NWD2: variants seen among roughly 807,000 people sequenced by gnomAD.
The protein encoded by NWD2 is NACHT and WD repeat domain-containing protein 2.
Under a neutral mutation model 132.7 loss-of-function variants are expected in NWD2, and 37 were observed. The observed-to-expected ratio is 0.28, with a 90% confidence interval of 0.21 to 0.37. NWD2 has a LOEUF of 0.37. Among genes scored for constraint, NWD2 ranks in the 10% least tolerant of loss-of-function variants. The pLI is 1.00. For synonymous variants in NWD2, 705 were observed against 803.0 expected, an observed-to-expected ratio of 0.88 and a Z score of 2.06; for missense variants, 1,592 against 2,122.4, an observed-to-expected ratio of 0.75 and a Z score of 4.91.
Position 37,443,620 on chromosome 4 carries a change from C to A in NWD2, c.1632C>A (p.Ser544=), listed in dbSNP as rs1050204781. The A allele has an allele frequency of 3.9e-6, 6 of 1,551,778 alleles. No individual in the cohort carries two copies. The African/African-American group carries it at 8.2e-5, about 21-fold the overall frequency. The change falls in exon 7 of 7, where the codon TCC becomes TCA. Residue 544 remains serine (S), a synonymous_variant. Coordinates refer to ENST00000309447, the MANE Select transcript of NWD2 (RefSeq NM_001144990.2). The surrounding 1 kb of genome is among the most constrained non-coding windows in gnomAD (Gnocchi z 4.1). ...CCCGCTTTGTCCGGATAGTCCTTTC[C>A]ACGCTGCCCAACAAACATGGGATCT... ...HLPRFVRIVL[S]TLPNKHGILQ... is the part of the protein sequence containing the mutation.
chr4:37,384,251 TCA>T (rs1720514769), intron 3 of NWD2, among the ~76,000 whole-genome samples: 1 of 152,250 alleles, frequency 6.6e-6, no homozygotes, highest in African/African-American at 2.4e-5. Context: ...TAGCTTTTAA[TCA>T]GTTTGCCTTC....
chr4:37,272,831 A>G (rs1307781308), intron 1 of NWD2, among the ~76,000 whole-genome samples: 2 of 151,708 alleles, frequency 1.3e-5, no homozygotes, highest in South Asian at 2.1e-4. Flanking sequence ...TTCTTACAGC[A>G]AGAACTTAGA....
At chr4:37,368,913 C>T (rs1379935677) in intron 3 of NWD2, among the ~76,000 whole-genome samples, 1 of 152,200 alleles carries the variant, frequency 6.6e-6, no homozygotes, top group African/African-American at 2.4e-5. Flanking sequence ...AGAGACCTAA[C>T]TAGCAACCTA....
intron 1 of NWD2, among the ~76,000 whole-genome samples, chr4:37,273,207 T>G (rs1476632026): frequency 6.6e-6 from 1 of 151,868 alleles, no homozygotes; most frequent in Non-Finnish European, 1.5e-5. Context: ...CCTCTGCATT[T>G]TCATTATGTC....
intron 3 of NWD2, among the ~76,000 whole-genome samples, chr4:37,378,100 C>T (rs1720382303): frequency 6.6e-6 from 1 of 152,138 alleles, no homozygotes; most frequent in Admixed American, 6.5e-5. Context: ...CTAAGCCTAA[C>T]TTTGATTATG....
intron 3 of NWD2, among the ~76,000 whole-genome samples, chr4:37,422,542 C>T (rs1711848129): frequency 1.3e-5 from 2 of 152,068 alleles, no homozygotes; most frequent in South Asian, 4.1e-4. Context: ...TCTATCTGTC[C>T]AGCTGTGCCT....
intron 2 of NWD2, among the ~76,000 whole-genome samples, chr4:37,326,677 G>T (rs1231229723): frequency 1.3e-5 from 2 of 152,090 alleles, no homozygotes; most frequent in Non-Finnish European, 2.9e-5. Flanking sequence ...AAAAATAAAT[G>T]GCTCCTGCAA....
intron 3 of NWD2, among the ~76,000 whole-genome samples, chr4:37,428,514 C>T (rs1712067657): frequency 6.6e-6 from 1 of 152,192 alleles, no homozygotes; most frequent in African/African-American, 2.4e-5. Flanking sequence ...TTAGCTTAAA[C>T]CAGAAGTTCA....
intron 3 of NWD2, among the ~76,000 whole-genome samples, chr4:37,415,000 T>C (rs142384938): frequency 6.6e-6 from 1 of 152,336 alleles, no homozygotes; most frequent in East Asian, 1.9e-4. Flanking sequence ...CCACTGTCGG[T>C]GCATCCATAT....
chr4:37,386,960 C>A (rs1487416479), intron 3 of NWD2, among the ~76,000 whole-genome samples: 2 of 152,166 alleles, frequency 1.3e-5, no homozygotes, highest in Admixed American at 1.3e-4. Context: ...GATGCTGGTG[C>A]CATGCTTCTT....
chr4:37,393,871 G>A (rs989859003), intron 3 of NWD2, among the ~76,000 whole-genome samples: 1 of 152,194 alleles, frequency 6.6e-6, no homozygotes, highest in Non-Finnish European at 1.5e-5. Flanking sequence ...TAGGCTGGGA[G>A]TACAAGGCTA....
intron 1 of NWD2, among the ~76,000 whole-genome samples, chr4:37,294,707 T>C (rs1718441229): frequency 6.6e-6 from 1 of 152,250 alleles, no homozygotes; most frequent in African/African-American, 2.4e-5. Context: ...TCAGACTTGC[T>C]TCATGATTGA....
chr4:37,355,909 T>C (rs1002362), intron 2 of NWD2, among the ~76,000 whole-genome samples: 56,547 of 152,052 alleles, frequency 0.37, 11,181 homozygotes, highest in Admixed American at 0.53. Context: ...GGGCTTTTTT[T>C]TTTTAAGAAA....
chr4:37,309,183 G>A (rs548600855), intron 1 of NWD2, among the ~76,000 whole-genome samples: 26 of 152,190 alleles, frequency 1.7e-4, no homozygotes, highest in Non-Finnish European at 3.5e-4. Flanking sequence ...CACCACTACA[G>A]GAGTCAGCGT....
At chr4:37,363,522 G>A (rs536143245) in intron 3 of NWD2, among the ~76,000 whole-genome samples, 3 of 152,252 alleles carry the variant, frequency 2.0e-5, no homozygotes, top group African/African-American at 7.2e-5. Flanking sequence ...TTCCTAAGTG[G>A]ATTAACTCAG....
chr4:37,326,155 A>T, intron 2 of NWD2, 131 bp downstream of exon 2: 1 of 587,708 alleles, frequency 1.7e-6, no homozygotes, highest in South Asian at 2.2e-5. Context: ...AAGCATGGGT[A>T]AAAAGAAACA....
At chr4:37,269,836 C>G (rs1045235106) in intron 1 of NWD2, among the ~76,000 whole-genome samples, 6 of 151,820 alleles carry the variant, frequency 4.0e-5, no homozygotes, top group Admixed American at 6.6e-5. Flanking sequence ...TAGAGAGTCT[C>G]TATATTTTTT....
chr4:37,335,752 G>C (rs899621322), intron 2 of NWD2, among the ~76,000 whole-genome samples: 1 of 151,388 alleles, frequency 6.6e-6, no homozygotes, highest in African/African-American at 2.4e-5. Context: ...TGAGGTGAAA[G>C]TTTCATCCCC....
Position 37,335,613 on chromosome 4 carries a change from C to A in NWD2, c.240+9589C>A, listed in dbSNP as rs1348501530. Among the ~76,000 whole-genome samples, 5 of 151,980 alleles carry A rather than the reference C, an allele frequency of 3.3e-5. No homozygotes were observed. In the East Asian group the frequency reaches 7.7e-4, roughly 23 times the overall value. ...GGAGGTGAGCAGTGAGGCAGCATTA[C>A]CGCCTGAGCTCCTTCTGTCAGATCA... On this transcript the variant is annotated intron_variant, in intron 2 of 6. Coordinates refer to ENST00000309447, the MANE Select transcript of NWD2 (RefSeq NM_001144990.2).
Sources: gnomAD v4.1 joint callset for allele counts (sites outside exome capture counted in the v4.1 genomes callset) on GRCh38, gnomAD v4.1.1 for gene constraint, Gnocchi (gnomAD v3.1) non-coding constraint, MANE v1.5 for transcripts, NCBI Gene and HGNC (gene_info 2026-07-23, HGNC 2026-07-21) for gene names.